IQCH: variants seen among roughly 807,000 people sequenced by gnomAD.
IQCH encodes the protein IQ domain-containing protein H.
IQCH carries 98 observed loss-of-function variants against 117.0 expected under a neutral mutation model. The ratio of observed to expected loss-of-function variants is 0.84; its 90% CI spans 0.71 to 0.99. IQCH has a LOEUF of 0.99. Ranked by LOEUF, IQCH falls within the 50% of genes least tolerant of loss-of-function variation. The pLI, the probability that IQCH is intolerant of heterozygous loss-of-function variation, is 0.00. For missense variants in IQCH, 1,102 were observed against 1,243.8 expected, an observed-to-expected ratio of 0.89 and a Z score of 1.72; for synonymous variants, 412 against 448.2, an observed-to-expected ratio of 0.92 and a Z score of 1.02.
chr15:67,336,795 A>C (rs1968911009), intron 4 of IQCH, among the ~76,000 whole-genome samples, 180 bp from the exon 5 acceptor site: 1 of 152,236 alleles, frequency 6.6e-6, no homozygotes, highest in Admixed American at 6.5e-5. Flanking sequence ...TAAATTACAC[A>C]AACTCCTGAT....
At chr15:67,469,812 G>C (rs4776932) in intron 17 of IQCH, among the ~76,000 whole-genome samples, 19,339 of 152,184 alleles carry the variant, frequency 0.13, 1,322 homozygotes, top group East Asian at 0.2. Context: ...GGAAGACAAG[G>C]TTAAGAGATG....
At chr15:67,269,299 T>C (rs1965805241) in intron 3 of IQCH, among the ~76,000 whole-genome samples, 2 of 152,202 alleles carry the variant, frequency 1.3e-5, no homozygotes, top group Non-Finnish European at 2.9e-5. Context: ...GGCATACTTT[T>C]ATCCTGCTGG....
chr15:67,436,725 T>G lies in IQCH; in HGVS notation c.2505+15148T>G, dbSNP rs1596372833. On this transcript the variant is annotated intron_variant, in intron 16 of 20. Coordinates refer to ENST00000335894, the MANE Select transcript of IQCH (RefSeq NM_001031715.3). The surrounding 1 kb of genome is among the most constrained non-coding windows in gnomAD (Gnocchi z 5.1). ...CTGTTGTGGAGAGGCATGGTGGGAG[T>G]GAGACCGGCCCTTTGGTTTGCATGG... 6.6e-6 allele frequency among the ~76,000 whole-genome samples: 1 copy of G among 151,716 alleles called. No homozygotes were observed. Among genetic ancestry groups the G allele is most frequent in the South Asian group, 2.1e-4 (1 of 4,790 alleles).
At position 67,413,136 on chromosome 15, in the gene IQCH, C is replaced by G. The variant is rs2081491431; in HGVS notation, c.2098-3795C>G. ...ATAAGTTTGTTTTGAACAAAATAAA[C>G]TTGAATAGCTACAGATCTTCCCTTA... On this transcript the variant is annotated intron_variant, in intron 14 of 20. Coordinates refer to ENST00000335894, the MANE Select transcript of IQCH (RefSeq NM_001031715.3). This position sits in a 1 kb window ranked among gnomAD's most constrained non-coding sequence, Gnocchi z 5.0. Among the ~76,000 whole-genome samples, 1 of 151,618 alleles carries G rather than the reference C, an allele frequency of 6.6e-6. No homozygotes were observed. The highest frequency in any genetic ancestry group is 2.4e-5 in the African/African-American group (1 of 41,250).
intron 6 of IQCH, among the ~76,000 whole-genome samples, chr15:67,351,094 T>C (rs1191235100): frequency 6.6e-6 from 1 of 152,182 alleles, no homozygotes; most frequent in African/African-American, 2.4e-5. Context: ...TTATTTTACT[T>C]TAAGTTCTGA....
At chr15:67,303,527 G>C (rs1379195794) in intron 4 of IQCH, among the ~76,000 whole-genome samples, 1 of 152,076 alleles carries the variant, frequency 6.6e-6, no homozygotes, top group Admixed American at 6.6e-5. Context: ...TCAAATCATA[G>C]AATCCCAAAG....
rs1233197912 is a variant in IQCH at position 67,384,796 on chromosome 15, G to A, written c.1373-140G>A. On this transcript the variant is annotated intron_variant, in intron 10 of 20. Transcript: ENST00000335894. The surrounding 1 kb of genome is among the most constrained non-coding windows in gnomAD (Gnocchi z 4.3). ...CCGAGAAACAAGCACCTCATTCTTCGGGATTGGGTTGTTTCTGTAAGATGC... is the reference window on the plus strand; with the variant it reads ...CCGAGAAACAAGCACCTCATTCTTCAGGATTGGGTTGTTTCTGTAAGATGC... The A allele has an allele frequency of 1.0e-5, 6 of 577,864 alleles. No individual in the cohort carries two copies. The highest frequency in any genetic ancestry group is 1.9e-5 in the Non-Finnish European group (6 of 313,150). 35.8% of individuals were successfully genotyped at this position (577,864 alleles called of 1,614,324 possible). A position where few individuals can be genotyped will look rare whatever the true frequency, so the allele number is the denominator to read the frequency against.
At chr15:67,446,114 A>G (rs530212747) in intron 16 of IQCH, among the ~76,000 whole-genome samples, 1 of 152,360 alleles carries the variant, frequency 6.6e-6, no homozygotes, top group Admixed American at 6.5e-5. Context: ...TGAAACTTCT[A>G]TTCATATGAA....
intron 8 of IQCH, among the ~76,000 whole-genome samples, chr15:67,363,335 A>G (rs1189520261): frequency 1.3e-5 from 2 of 150,432 alleles, no homozygotes; most frequent in Non-Finnish European, 3.0e-5. Flanking sequence ...TCCCTAGTTC[A>G]AGCGATTCTC....
chr15:67,428,969 A>G (rs571581053), intron 16 of IQCH, among the ~76,000 whole-genome samples: 7 of 152,298 alleles, frequency 4.6e-5, no homozygotes, highest in South Asian at 2.1e-4. Context: ...GCATGAGCCA[A>G]TGAAGGCACA....
chr15:67,388,240 T>C lies in IQCH; in HGVS notation c.1457-591T>C, dbSNP rs535631354. On this transcript the variant is annotated intron_variant, in intron 11 of 20. Coordinates refer to ENST00000335894, the MANE Select transcript of IQCH (RefSeq NM_001031715.3). The surrounding 1 kb of genome is among the most constrained non-coding windows in gnomAD (Gnocchi z 5.5). ...AGAAAAGTTAAATTAAGATGGTGTT[T>C]CCTTTAAACCAAGAATCACTAGACC... Among the ~76,000 whole-genome samples the C allele has an allele frequency of 7.9e-5, 12 of 152,342 alleles. No individual in the cohort carries two copies. The South Asian group carries it at 8.3e-4, about 11-fold the overall frequency.
At chr15:67,399,949 AT>A (rs1361224214) in intron 13 of IQCH, among the ~76,000 whole-genome samples, 164 bp from the exon 14 acceptor site, 1 of 152,358 alleles carries the variant, frequency 6.6e-6, no homozygotes, top group East Asian at 1.9e-4. Context: ...TCATATTTAT[AT>A]CACTTTAAAC....
intron 14 of IQCH, among the ~76,000 whole-genome samples, chr15:67,402,551 A>G (rs1971706969): frequency 6.6e-6 from 1 of 152,320 alleles, no homozygotes; most frequent in Middle Eastern, 3.4e-3. Context: ...TTAATGTCCT[A>G]TTACAGTTTG....
chr15:67,281,955 A>G (rs1596092308), intron 4 of IQCH: 1 of 355,644 alleles, frequency 2.8e-6, no homozygotes, highest in African/African-American at 2.1e-5. Context: ...CACTTGTTAC[A>G]TTGGGTCTGT....
intron 2 of IQCH, 140 bp from the exon 3 acceptor site, chr15:67,262,982 A>G: frequency 1.6e-6 from 1 of 634,398 alleles, no homozygotes; most frequent in South Asian, 1.7e-5. Context: ...ATGCCTAATG[A>G]TACCTTAGGC....
rs1284249680 is a variant in IQCH, at chr15:67,364,878, T to C, written c.753+4993T>C. Among the ~76,000 whole-genome samples, 2 of 152,218 alleles carry C rather than the reference T, an allele frequency of 1.3e-5. No homozygotes were observed. Among genetic ancestry groups the C allele is most frequent in the Admixed American group, 6.5e-5 (1 of 15,292 alleles). ...CTTTATAATATCTTTATTAAAGATA[T>C]ACCATAATTTTCATCCTATTGCTTG... On this transcript the variant is annotated intron_variant, in intron 8 of 20. Transcript: ENST00000335894. This position sits in a 1 kb window ranked among gnomAD's most constrained non-coding sequence, Gnocchi z 4.1.
chr15:67,421,377 G>A lies in IQCH; in HGVS notation c.2305G>A (p.Val769Met), dbSNP rs142614145. 1.5e-4 allele frequency: 248 copies of A among 1,614,054 alleles called. No homozygotes were observed. Among genetic ancestry groups the A allele is most frequent in the Non-Finnish European group, 1.9e-4 (224 of 1,180,026 alleles). ...MLIEPNGKIS[V>M]LSTGDQLHAE... The stretch of plus-strand genomic sequence containing the variant: ...GATAGAGCCCAACGGGAAAATCAGC[G>A]TGCTGTCGACAGGGGACCAGCTTCA... The change falls in exon 16 of 21, where the codon GTG (valine) becomes ATG (methionine). Residue 769 changes from valine (V) to methionine (M), a missense_variant. Val to Met is a conservative substitution (Grantham distance 21, BLOSUM62 1). This residue lies in a region of IQCH where 650 missense variants were observed against 794.3 expected (regional missense o/e 0.82). Coordinates refer to ENST00000335894, the MANE Select transcript of IQCH (RefSeq NM_001031715.3).
rs1299720527 is a variant in IQCH, at chr15:67,328,882, G to C, written c.388-8093G>C. Among the ~76,000 whole-genome samples the C allele has an allele frequency of 2.6e-5, 4 of 152,240 alleles. No homozygotes were observed. The East Asian group carries it at 7.7e-4, about 29-fold the overall frequency. ...AGAATGCTGGCTGCCTTTGAGTTGT[G>C]GTAGTGACTGGGAGGGAGCACACAA... On this transcript the variant is annotated intron_variant, in intron 4 of 20. Coordinates refer to ENST00000335894, the MANE Select transcript of IQCH (RefSeq NM_001031715.3).
intron 4 of IQCH, chr15:67,281,941 C>T (rs1385677245): frequency 5.5e-6 from 2 of 360,840 alleles, no homozygotes; most frequent in Non-Finnish European, 1.1e-5. Context: ...TATCTCTGTC[C>T]TTGCACTTGT....
Sources: allele counts gnomAD v4.1 joint callset (sites outside exome capture counted in the v4.1 genomes callset), GRCh38; gene constraint gnomAD v4.1.1; regional missense constraint gnomAD v4.1.1; non-coding constraint Gnocchi (gnomAD v3.1); transcripts MANE v1.5; gene names NCBI Gene and HGNC (gene_info 2026-07-23, HGNC 2026-07-21).